VPS35L: variants seen among roughly 807,000 people sequenced by gnomAD.
The protein encoded by VPS35L is VPS35 endosomal protein sorting factor like.
VPS35L carries 83 observed loss-of-function variants against 133.0 expected under a neutral mutation model. The ratio of observed to expected loss-of-function variants is 0.62; its 90% CI spans 0.52 to 0.75. VPS35L has a LOEUF of 0.75. Among genes scored for constraint, VPS35L ranks in the 30% least tolerant of loss-of-function variants. The pLI, the probability that VPS35L is intolerant of heterozygous loss-of-function variation, is 0.00. For synonymous variants in VPS35L, 423 were observed against 449.9 expected, an observed-to-expected ratio of 0.94 and a Z score of 0.76; for missense variants, 1,083 against 1,206.8, an observed-to-expected ratio of 0.90 and a Z score of 1.52.
At chr16:19,571,798 G>T (rs1489937495) in intron 3 of VPS35L, among the ~76,000 whole-genome samples, 2 of 151,096 alleles carry the variant, frequency 1.3e-5, no homozygotes, top group Non-Finnish European at 2.9e-5. Flanking sequence ...GCCCACATTG[G>T]CCTCCCAAAG....
At position 19,639,906 on chromosome 16, in the gene VPS35L, G is replaced by C. The variant is rs1973734224; in HGVS notation, c.1699-109G>C. 1 of 904,306 alleles carries C rather than the reference G, an allele frequency of 1.1e-6. No individual in the cohort carries two copies. Among genetic ancestry groups the C allele is most frequent in the African/African-American group, 1.7e-5 (1 of 59,798 alleles). 56.0% of individuals were successfully genotyped at this position (904,306 alleles called of 1,614,324 possible). A position where few individuals can be genotyped will look rare whatever the true frequency, so the allele number is the denominator to read the frequency against. On this transcript the variant is annotated intron_variant, in intron 20 of 30. Transcript: ENST00000417362. This position sits in a 1 kb window ranked among gnomAD's most constrained non-coding sequence, Gnocchi z 4.1. ...GTCCTCATCTGACCCGACTCAGAGA[G>C]ATGAACCTCTGTTCTGCTTCTTTGA...
intron 1 of VPS35L, among the ~76,000 whole-genome samples, chr16:19,558,104 A>T (rs1200975612): frequency 1.3e-5 from 2 of 152,182 alleles, no homozygotes; most frequent in Non-Finnish European, 2.9e-5. Flanking sequence ...AGTTTTGTCC[A>T]TCTTTGTATG....
intron 3 of VPS35L, among the ~76,000 whole-genome samples, chr16:19,571,224 A>T (rs1971374567): frequency 1.3e-5 from 2 of 151,798 alleles, no homozygotes; most frequent in East Asian, 1.9e-4. Context: ...CTGTTTTGTG[A>T]CTTGTTTTTT....
intron 26 of VPS35L, among the ~76,000 whole-genome samples, chr16:19,661,777 A>G (rs1388996556): frequency 6.6e-6 from 1 of 152,136 alleles, no homozygotes; most frequent in Non-Finnish European, 1.5e-5. Context: ...ACATACAGGG[A>G]ACTGGGGTGG....
rs1973814109 is a variant in VPS35L at position 19,642,406 on chromosome 16, G to A, written c.1795G>A (p.Glu599Lys). The A allele has an allele frequency of 6.2e-7, 1 of 1,613,634 alleles. No individual in the cohort carries two copies. Among genetic ancestry groups the A allele is most frequent in the Non-Finnish European group, 8.5e-7 (1 of 1,179,662 alleles). ...IMDAFIKHQQ[E>K]PTKDPVILNA... ...TTAAATGTCTCCTAGGCATCAACAAGAGCCCACCAAGGACCCGGTCATCTT... is the reference window on the plus strand; with the variant it reads ...TTAAATGTCTCCTAGGCATCAACAAAAGCCCACCAAGGACCCGGTCATCTT... Residue 599 changes from glutamate (E) to lysine (K), a missense_variant, in exon 22 of 31, where the codon GAG (glutamate) becomes AAG (lysine). Coordinates refer to ENST00000417362, the MANE Select transcript of VPS35L (RefSeq NM_020314.7).
intron 1 of VPS35L, among the ~76,000 whole-genome samples, chr16:19,558,025 G>A (rs545492777): frequency 3.9e-5 from 6 of 152,098 alleles, no homozygotes; most frequent in South Asian, 4.1e-4. Context: ...AGCCAAGATC[G>A]TGCCATTGCA....
intron 3 of VPS35L, among the ~76,000 whole-genome samples, chr16:19,570,762 C>G (rs226877): frequency 0.099 from 14,636 of 147,986 alleles, 803 homozygotes; most frequent in Middle Eastern, 0.14. Context: ...AAGTCACATC[C>G]AAGCTGGGAT....
intron 19 of VPS35L, among the ~76,000 whole-genome samples, chr16:19,635,215 G>C (rs551821039): frequency 6.6e-6 from 1 of 152,036 alleles, no homozygotes; most frequent in Non-Finnish European, 1.5e-5. Flanking sequence ...AGGTGTGGTG[G>C]TGCATGCCTG....
chr16:19,680,386 T>TC (rs1313733699), intron 27 of VPS35L, among the ~76,000 whole-genome samples: 2 of 152,158 alleles, frequency 1.3e-5, no homozygotes, highest in Non-Finnish European at 1.5e-5. Flanking sequence ...GGATTGAATG[T>TC]CATCAGGGAC....
intron 26 of VPS35L, among the ~76,000 whole-genome samples, chr16:19,659,851 T>G (rs1354277370): frequency 6.6e-6 from 1 of 152,204 alleles, no homozygotes; most frequent in Non-Finnish European, 1.5e-5. Context: ...GATATTGATA[T>G]TGTCAATCCA....
chr16:19,578,373 C>CAA (rs35605554), intron 5 of VPS35L: 1,277 of 358,804 alleles, frequency 3.6e-3, no homozygotes, highest in African/African-American at 6.0e-3. Flanking sequence ...GACCCCATCT[C>CAA]AAAAAAAAAA....
intron 9 of VPS35L, among the ~76,000 whole-genome samples, chr16:19,607,594 A>G (rs1387503830): frequency 6.6e-6 from 1 of 152,326 alleles, no homozygotes; most frequent in South Asian, 2.1e-4. Flanking sequence ...AGCCGGCAAC[A>G]TAATTCTGGC....
At chr16:19,632,042 A>C (rs963851484) in intron 18 of VPS35L, among the ~76,000 whole-genome samples, 5 of 151,794 alleles carry the variant, frequency 3.3e-5, no homozygotes, top group Non-Finnish European at 7.4e-5. Flanking sequence ...GCTCACTGCA[A>C]CCTCCGCCTC....
intron 19 of VPS35L, among the ~76,000 whole-genome samples, chr16:19,634,119 A>G (rs1973547907): frequency 6.6e-6 from 1 of 152,192 alleles, no homozygotes; most frequent in East Asian, 1.9e-4. Context: ...GAATTATTTG[A>G]TAATAAGTTG....
intron 19 of VPS35L, among the ~76,000 whole-genome samples, chr16:19,636,401 A>G (rs1973624719): frequency 6.6e-6 from 1 of 152,194 alleles, no homozygotes; most frequent in Non-Finnish European, 1.5e-5. Flanking sequence ...GGGGAAAAAA[A>G]TCCTGTCTTT....
chr16:19,558,400 A>G (rs145592463), intron 1 of VPS35L, among the ~76,000 whole-genome samples: 56 of 152,338 alleles, frequency 3.7e-4, no homozygotes, highest in African/African-American at 1.3e-3. Context: ...CTATGATAGT[A>G]ATCATCCTCA....
At chr16:19,587,263 T>G in intron 7 of VPS35L, 1 of 425,870 alleles carries the variant, frequency 2.3e-6, no homozygotes, top group Admixed American at 2.5e-5. Flanking sequence ...ACATGAGATT[T>G]GGGTGGGAAC....
In VPS35L at chr16:19,616,206, T is replaced by G. The variant is rs772936090; in HGVS notation, c.1101+15T>G. 6.3e-7 allele frequency: 1 copy of G among 1,583,256 alleles called. No homozygotes were observed. Among genetic ancestry groups the G allele is most frequent in the Admixed American group, 1.7e-5 (1 of 59,488 alleles). On this transcript the variant is annotated intron_variant, in intron 13 of 30. Transcript: ENST00000417362. ...CGTTCAAACAGGTAAGAGAACACTA[T>G]CAGAATAGCTCATCGATATAACAGT...
chr16:19,670,957 C>T (rs1268439917), intron 27 of VPS35L, among the ~76,000 whole-genome samples: 1 of 152,188 alleles, frequency 6.6e-6, no homozygotes, highest in East Asian at 1.9e-4. Flanking sequence ...ATGTTCACAT[C>T]ACATTTCAGA....
Sources: allele counts gnomAD v4.1 joint callset (sites outside exome capture counted in the v4.1 genomes callset), GRCh38; gene constraint gnomAD v4.1.1; non-coding constraint Gnocchi (gnomAD v3.1); transcripts MANE v1.5; gene names NCBI Gene and HGNC (gene_info 2026-07-23, HGNC 2026-07-21).